The following AGBL4 variants were observed in gnomAD, a reference collection of about 807,000 sequenced individuals.
AGBL4 encodes the protein cytosolic carboxypeptidase 6.
In AGBL4, 58 loss-of-function variants were observed where a neutral mutation model predicts 66.4. That is an observed-to-expected ratio of 0.87 (90% CI 0.71 to 1.09). The LOEUF is 1.09. Among genes scored for constraint, AGBL4 ranks in the 50% least tolerant of loss-of-function variants. The probability of loss-of-function intolerance (pLI) is 0.00; values close to 1 mark genes in which losing one functional copy is unlikely to be tolerated. For missense variants in AGBL4, 579 were observed against 631.0 expected (o/e 0.92, Z 0.88); for synonymous variants, 234 against 222.9 (o/e 1.05, Z -0.44).
intron 2 of AGBL4, among the ~76,000 whole-genome samples, chr1:49,741,479 G>A (rs1650463910): frequency 6.6e-6 from 1 of 152,170 alleles, no homozygotes; most frequent in African/African-American, 2.4e-5. Flanking sequence ...GGTACAAGAG[G>A]AGATGGTACC....
At chr1:49,346,138 C>G (rs1645629727) in intron 3 of AGBL4, among the ~76,000 whole-genome samples, 1 of 152,140 alleles carries the variant, frequency 6.6e-6, no homozygotes, top group Non-Finnish European at 1.5e-5. Context: ...ACTAACTGGT[C>G]ATATCATGAT....
intron 1 of AGBL4, among the ~76,000 whole-genome samples, chr1:49,931,354 TG>T (rs1257185143): frequency 6.6e-6 from 1 of 152,168 alleles, no homozygotes; most frequent in Non-Finnish European, 1.5e-5. Context: ...TACCTGAGAC[TG>T]GGTAATTTAT....
chr1:49,150,818 T>G (rs1174482014), intron 4 of AGBL4, among the ~76,000 whole-genome samples: 1 of 152,180 alleles, frequency 6.6e-6, no homozygotes, highest in Non-Finnish European at 1.5e-5. Context: ...TTCTTATCAC[T>G]CTACATGTAA....
chr1:48,780,114 G>A (rs925729424), intron 6 of AGBL4, among the ~76,000 whole-genome samples: 1 of 151,788 alleles, frequency 6.6e-6, no homozygotes, highest in African/African-American at 2.4e-5. Flanking sequence ...TGCCATGATG[G>A]TTTGCTGCAC....
At chr1:49,970,453 A>G (rs1339556460) in intron 1 of AGBL4, among the ~76,000 whole-genome samples, 1 of 152,172 alleles carries the variant, frequency 6.6e-6, no homozygotes, top group Non-Finnish European at 1.5e-5. Flanking sequence ...ATGAATAACC[A>G]TTTTGCCAAA....
intron 1 of AGBL4, among the ~76,000 whole-genome samples, chr1:49,892,787 C>T (rs1399406902): frequency 1.3e-5 from 2 of 152,106 alleles, no homozygotes; most frequent in Non-Finnish European, 2.9e-5. Flanking sequence ...GTCACCTATT[C>T]CTCACACTTT....
In AGBL4 at chr1:48,595,522, G is replaced by T. The variant is rs985876774; in HGVS notation, c.952-4537C>A. Among the ~76,000 whole-genome samples the T allele has an allele frequency of 3.3e-5, 5 of 152,236 alleles. 1 individual carries two copies. The highest frequency in any genetic ancestry group is 1.2e-4 in the African/African-American group (5 of 41,466). ...TACAATTTGGGAATGAGAATAGAAG[G>T]TGGGGGATGGGGAGAGCATCTCCGT... On this transcript the variant is annotated intron_variant, in intron 9 of 13. Coordinates refer to ENST00000371839, the MANE Select transcript of AGBL4 (RefSeq NM_032785.4).
At chr1:49,007,761 C>A (rs1384110572) in intron 5 of AGBL4, among the ~76,000 whole-genome samples, 3 of 151,614 alleles carry the variant, frequency 2.0e-5, no homozygotes, top group Non-Finnish European at 4.4e-5. Flanking sequence ...CCCAGAATTT[C>A]ATATCCAGCC....
At chr1:49,896,277 T>C (rs1649193235) in intron 1 of AGBL4, among the ~76,000 whole-genome samples, 1 of 152,046 alleles carries the variant, frequency 6.6e-6, no homozygotes. Context: ...CCCAATAAAA[T>C]AATAGCTGGA....
At chr1:49,303,779 A>G (rs1200254456) in intron 3 of AGBL4, among the ~76,000 whole-genome samples, 1 of 151,970 alleles carries the variant, frequency 6.6e-6, no homozygotes, top group Non-Finnish European at 1.5e-5. Flanking sequence ...CCCAACCTAA[A>G]TGTCTTCTTT....
rs137978080 is a variant in AGBL4 at position 49,551,941 on chromosome 1, C to T, written c.282+145372G>A. On this transcript the variant is annotated intron_variant, in intron 3 of 13. Coordinates refer to ENST00000371839, the MANE Select transcript of AGBL4 (RefSeq NM_032785.4). ...GGAGGCACAGCTAGGTGTGTCTGAG[C>T]TCAGACTCGCCTTAGGTGGGTCCTG... Among the ~76,000 whole-genome samples, 804 of 152,284 alleles carry T rather than the reference C, an allele frequency of 5.3e-3. 4 individuals are homozygous for T. Among genetic ancestry groups the T allele is most frequent in the Non-Finnish European group, 9.7e-3 (662 of 68,018 alleles).
chr1:48,662,880 C>A, intron 7 of AGBL4, among the ~76,000 whole-genome samples: 1 of 151,970 alleles, frequency 6.6e-6, no homozygotes, highest in African/African-American at 2.4e-5. Context: ...CTCTTCCTCA[C>A]CACAGCACAT....
chr1:49,030,820 C>CAAAAAAAAAAAAAAAAAAGAA (rs34872551), intron 5 of AGBL4, among the ~76,000 whole-genome samples: 1 of 62,042 alleles, frequency 1.6e-5, no homozygotes, highest in Non-Finnish European at 3.3e-5. Context: ...TAAGTAGAGG[C>CAAAAAAAAAAAAAAAAAAGAA]AAAAAAAAAA....
chr1:49,313,691 T>A (rs1644983340), intron 3 of AGBL4, among the ~76,000 whole-genome samples: 1 of 152,222 alleles, frequency 6.6e-6, no homozygotes, highest in East Asian at 1.9e-4. Context: ...AAATGTCTGT[T>A]CATATCCTTT....
chr1:49,838,568 C>G (rs1179497739), intron 2 of AGBL4, among the ~76,000 whole-genome samples: 1 of 152,086 alleles, frequency 6.6e-6, no homozygotes, highest in Non-Finnish European at 1.5e-5. Flanking sequence ...TGTATGATAA[C>G]CCATAATTTG....
intron 4 of AGBL4, among the ~76,000 whole-genome samples, chr1:49,188,044 G>A (rs183469538): frequency 6.6e-6 from 1 of 152,196 alleles, no homozygotes; most frequent in East Asian, 1.9e-4. Context: ...TGCCATCCAC[G>A]TAAGATGTGA....
At chr1:48,991,160 T>C (rs1264521807) in intron 5 of AGBL4, among the ~76,000 whole-genome samples, 1 of 152,228 alleles carries the variant, frequency 6.6e-6, no homozygotes, top group Non-Finnish European at 1.5e-5. Flanking sequence ...AGGTCTGGTG[T>C]TGATGAAATC....
At chr1:49,708,094 G>T (rs542678166) in intron 2 of AGBL4, among the ~76,000 whole-genome samples, 1 of 152,120 alleles carries the variant, frequency 6.6e-6, no homozygotes, top group African/African-American at 2.4e-5. Flanking sequence ...TTTGAATGTT[G>T]ACCTGTTTCA....
intron 9 of AGBL4, among the ~76,000 whole-genome samples, chr1:48,598,243 G>A (rs373724086): frequency 4.6e-5 from 7 of 152,134 alleles, no homozygotes; most frequent in Admixed American, 3.3e-4. Context: ...TGGATTTTAG[G>A]GGGGCATGAA....
Sources: gnomAD v4.1 joint callset for allele counts (sites outside exome capture counted in the v4.1 genomes callset) on GRCh38, gnomAD v4.1.1 for gene constraint, MANE v1.5 for transcripts, NCBI Gene and HGNC (gene_info 2026-07-23, HGNC 2026-07-21) for gene names.